PPIL3: variants seen among roughly 807,000 people sequenced by gnomAD.
The protein encoded by PPIL3 is peptidyl-prolyl cis-trans isomerase-like 3.
Under a neutral mutation model 20.9 loss-of-function variants are expected in PPIL3, and 13 were observed. The ratio of observed to expected loss-of-function variants is 0.62; its 90% CI spans 0.40 to 0.99. PPIL3 has a LOEUF of 0.99. Ranked by LOEUF, PPIL3 falls within the 50% of genes least tolerant of loss-of-function variation. The pLI is 0.00. For synonymous variants in PPIL3, 71 were observed against 64.4 expected (o/e 1.10, Z -0.49); for missense variants, 170 against 195.2 (o/e 0.87, Z 0.77).
intron 6 of PPIL3, among the ~76,000 whole-genome samples, chr2:200,875,510 C>T (rs554842742): frequency 5.3e-5 from 8 of 152,254 alleles, no homozygotes; most frequent in African/African-American, 1.9e-4. Context: ...TCATGATCTG[C>T]CCTCCTTGGC....
Position 200,877,042 on chromosome 2 carries a change from A to G in PPIL3, c.241-5T>C. 2 of 1,542,948 alleles carry G rather than the reference A, an allele frequency of 1.3e-6. No homozygotes were observed. Among genetic ancestry groups the G allele is most frequent in the Non-Finnish European group, 1.8e-6 (2 of 1,115,384 alleles). ...TACAACACCTCTAACATTGTGCTGAAAAAGACACATCAAAGTATTAACTGT... is the reference window on the plus strand; with the variant it reads ...TACAACACCTCTAACATTGTGCTGAGAAAGACACATCAAAGTATTAACTGT... On this transcript the variant is annotated splice_polypyrimidine_tract_variant and splice_region_variant and intron_variant, in intron 5 of 6. Transcript: ENST00000392283.
chr2:200,882,910 A>T (rs554517885), intron 3 of PPIL3, among the ~76,000 whole-genome samples: 1 of 150,944 alleles, frequency 6.6e-6, no homozygotes, highest in African/African-American at 2.4e-5. Flanking sequence ...AAAAAAAAAA[A>T]CAACCAAAAA....
In PPIL3 at chr2:200,887,546, C is replaced by A; in HGVS notation, c.3+67G>T. The A allele has an allele frequency of 2.4e-6, 3 of 1,246,784 alleles. No homozygotes were observed. In the East Asian group the frequency reaches 7.0e-5, roughly 29 times the overall value. 77.2% of individuals were successfully genotyped at this position (1,246,784 alleles called of 1,614,324 possible). On this transcript the variant is annotated intron_variant, in intron 2 of 6. Coordinates refer to ENST00000392283, the MANE Select transcript of PPIL3 (RefSeq NM_130906.3). The stretch of plus-strand genomic sequence containing the variant: ...CTGCAATTTCCATGAACTTTTATTG[C>A]CCTTGACTGAATTTCTAAAAATTAC...
chr2:200,885,504 T>C (rs2039900036), intron 3 of PPIL3, 194 bp downstream of exon 3: 2 of 534,710 alleles, frequency 3.7e-6, no homozygotes, highest in South Asian at 5.4e-5. Flanking sequence ...CGAAAAATTA[T>C]CTACGTTCTC....
At chr2:200,882,106 C>T (rs553109951) in intron 4 of PPIL3, among the ~76,000 whole-genome samples, 130 of 152,248 alleles carry the variant, frequency 8.5e-4, no homozygotes, top group Non-Finnish European at 1.0e-3. Flanking sequence ...AGCATTAGGA[C>T]GAATAGCTAA....
chr2:200,882,496 C>A, intron 3 of PPIL3, 61 bp from the exon 4 acceptor site: 2 of 1,021,234 alleles, frequency 2.0e-6, no homozygotes, highest in South Asian at 1.3e-5. Flanking sequence ...GACAAAAAAC[C>A]AATCATATTT....
At chr2:200,873,990 G>A (rs1426110546) in intron 6 of PPIL3, among the ~76,000 whole-genome samples, 1 of 151,594 alleles carries the variant, frequency 6.6e-6, no homozygotes, top group African/African-American at 2.4e-5. Flanking sequence ...CGGATCACGA[G>A]GTCGGGAGAT....
intron 4 of PPIL3, chr2:200,881,760 G>A (rs1240588565): frequency 9.4e-6 from 4 of 426,334 alleles, no homozygotes; most frequent in African/African-American, 2.0e-5. Flanking sequence ...CCTTGTGCAG[G>A]GGCCACACTA....
intron 3 of PPIL3, 190 bp downstream of exon 3, chr2:200,885,508 C>A: frequency 1.9e-6 from 1 of 534,376 alleles, no homozygotes; most frequent in Non-Finnish European, 3.2e-6. Context: ...AAATTATCTA[C>A]GTTCTCTTTG....
intron 1 of PPIL3, 71 bp from the exon 2 acceptor site, chr2:200,887,756 A>G: frequency 1.6e-6 from 1 of 626,832 alleles, no homozygotes; most frequent in Non-Finnish European, 2.6e-6. Context: ...TCTTTACTGA[A>G]CATTTTAAAT....
intron 5 of PPIL3, among the ~76,000 whole-genome samples, chr2:200,879,029 G>C (rs1462489816): frequency 6.6e-6 from 1 of 152,030 alleles, no homozygotes; most frequent in East Asian, 1.9e-4. Context: ...AGTTTCTCTT[G>C]AGTAAACATT....
intron 2 of PPIL3, 40 bp downstream of exon 2, chr2:200,887,573 T>G: frequency 6.7e-7 from 1 of 1,499,282 alleles, no homozygotes; most frequent in African/African-American, 1.4e-5. Flanking sequence ...AAAAATTACT[T>G]ATAATGAAAG....
chr2:200,882,293 T>G (rs1476040733), intron 4 of PPIL3, 49 bp downstream of exon 4: 2 of 1,212,864 alleles, frequency 1.6e-6, no homozygotes, highest in East Asian at 4.7e-5. Context: ...ACCCACTTCT[T>G]CATACTATAC....
intron 5 of PPIL3, among the ~76,000 whole-genome samples, chr2:200,877,805 G>A (rs546413153): frequency 6.6e-6 from 1 of 152,286 alleles, no homozygotes; most frequent in Non-Finnish European, 1.5e-5. Context: ...ATGCATCTGT[G>A]GGTGTTCCAC....
chr2:200,884,949 C>T (rs779886958), intron 3 of PPIL3: 1 of 150,774 alleles, frequency 6.6e-6, no homozygotes, highest in Non-Finnish European at 1.5e-5. Context: ...GCCTGTAATC[C>T]CAGGTACTTG....
At chr2:200,877,851 G>A (rs928224696) in intron 5 of PPIL3, among the ~76,000 whole-genome samples, 2 of 152,176 alleles carry the variant, frequency 1.3e-5, no homozygotes, top group African/African-American at 2.4e-5. Flanking sequence ...AGGACTGAAC[G>A]ATCTAAGAAA....
intron 5 of PPIL3, 45 bp downstream of exon 5, chr2:200,881,376 T>C (rs2039716421): frequency 1.3e-6 from 2 of 1,483,432 alleles, no homozygotes; most frequent in Non-Finnish European, 1.9e-6. Context: ...TTTCCATGCA[T>C]AACCAAGGCA....
chr2:200,881,819 C>A, intron 4 of PPIL3: 1 of 269,742 alleles, frequency 3.7e-6, no homozygotes, highest in Non-Finnish European at 6.7e-6. Context: ...CCAAAGTGAG[C>A]ACAATATTGT....
intron 6 of PPIL3, among the ~76,000 whole-genome samples, chr2:200,873,322 TG>T (rs1242082404): frequency 6.6e-6 from 1 of 151,988 alleles, no homozygotes; most frequent in African/African-American, 2.4e-5. Flanking sequence ...CCCAAGCAGC[TG>T]GGACTACAGG....
Sources: gnomAD v4.1 joint callset for allele counts (sites outside exome capture counted in the v4.1 genomes callset) on GRCh38, gnomAD v4.1.1 for gene constraint, MANE v1.5 for transcripts, NCBI Gene and HGNC (gene_info 2026-07-23, HGNC 2026-07-21) for gene names.